Variants in ZRANB3 observed in about 807,000 individuals in gnomAD.
ZRANB3 encodes DNA annealing helicase and endonuclease ZRANB3.
In ZRANB3, 125 loss-of-function variants were observed where a neutral mutation model predicts 133.8. The observed-to-expected ratio is 0.93, with a 90% CI of 0.81 to 1.08. The LOEUF is 1.08. ZRANB3 is among the 50% of genes least tolerant of loss of function. The pLI, the probability that ZRANB3 is intolerant of heterozygous loss-of-function variation, is 0.00. For synonymous variants in ZRANB3, 387 were observed against 432.7 expected (o/e 0.89, Z 1.31); for missense variants, 1,229 against 1,275.5 (o/e 0.96, Z 0.56).
rs374758345 is a variant in ZRANB3, at chr2:135,318,002, C to T, written c.678-2472G>A. Among the ~76,000 whole-genome samples, 14 of 152,004 alleles carry T rather than the reference C, an allele frequency of 9.2e-5. No individual in the cohort carries two copies. In the South Asian group the frequency reaches 1.0e-3, roughly 11 times the overall value. On this transcript the variant is annotated intron_variant, in intron 6 of 20. Transcript: ENST00000264159. ...GGATTAGGGAGGACTAGAAGAGGTG[C>T]CACCTGTAAACCTTTAGTCTCTTTA... is the stretch of plus-strand genomic sequence containing the variant.
intron 12 of ZRANB3, among the ~76,000 whole-genome samples, chr2:135,245,435 TG>T (rs1695746826): frequency 6.6e-6 from 1 of 152,240 alleles, no homozygotes; most frequent in Non-Finnish European, 1.5e-5. Context: ...GAGGGTCTCC[TG>T]GTTTACTGAA....
chr2:135,327,290 G>A (rs959199447), intron 6 of ZRANB3, among the ~76,000 whole-genome samples: 2 of 152,126 alleles, frequency 1.3e-5, no homozygotes, highest in Non-Finnish European at 2.9e-5. Flanking sequence ...GGTTTAGATT[G>A]GAGCATAACA....
At chr2:135,499,905 C>T (rs531859801) in intron 2 of ZRANB3, among the ~76,000 whole-genome samples, 4 of 152,214 alleles carry the variant, frequency 2.6e-5, no homozygotes, top group South Asian at 4.1e-4. Flanking sequence ...GACATAATTA[C>T]TTAAGATGAA....
rs560970785 is a variant in ZRANB3, at chr2:135,527,374, C to G, written c.-8+3753G>C. On this transcript the variant is annotated intron_variant, in intron 1 of 20. Coordinates refer to ENST00000264159, the MANE Select transcript of ZRANB3 (RefSeq NM_032143.4). ...AGGAGTTCGAGACCAGCCTGGGCAA[C>G]ATGGTGAAACCCCATCTCTATTAAA... Among the ~76,000 whole-genome samples the G allele has an allele frequency of 6.6e-5, 10 of 152,122 alleles. No homozygotes were observed. In the South Asian group the frequency reaches 1.9e-3, roughly 28 times the overall value.
intron 12 of ZRANB3, among the ~76,000 whole-genome samples, chr2:135,255,133 T>A (rs533256161): frequency 1.3e-5 from 2 of 152,276 alleles, no homozygotes; most frequent in East Asian, 3.9e-4. Context: ...GCCATTGTTT[T>A]AGTCTCAGCT....
chr2:135,495,335 C>T (rs1574201781), intron 2 of ZRANB3, among the ~76,000 whole-genome samples: 1 of 152,066 alleles, frequency 6.6e-6, no homozygotes, highest in South Asian at 2.1e-4. Context: ...AAAACACATA[C>T]TATATTATAG....
chr2:135,359,826 C>T (rs1292088566), intron 3 of ZRANB3, among the ~76,000 whole-genome samples: 1 of 152,032 alleles, frequency 6.6e-6, no homozygotes, highest in Non-Finnish European at 1.5e-5. Flanking sequence ...AAAAGTGATT[C>T]TCAGAAATTA....
At chr2:135,485,130 GAAACA>G (rs1253850492) in intron 2 of ZRANB3, among the ~76,000 whole-genome samples, 1 of 151,080 alleles carries the variant, frequency 6.6e-6, no homozygotes, top group Non-Finnish European at 1.5e-5. Flanking sequence ...ACATCTCAGA[GAAACA>G]AAACAAAACA....
At chr2:135,332,486 T>G (rs1444752836) in intron 6 of ZRANB3, among the ~76,000 whole-genome samples, 1 of 152,166 alleles carries the variant, frequency 6.6e-6, no homozygotes, top group Non-Finnish European at 1.5e-5. Flanking sequence ...ATCAATAACA[T>G]TAGACATTTT....
intron 12 of ZRANB3, among the ~76,000 whole-genome samples, chr2:135,252,303 T>G (rs1302213840): frequency 6.6e-6 from 1 of 152,144 alleles, no homozygotes; most frequent in African/African-American, 2.4e-5. Flanking sequence ...GACACATGTT[T>G]ACCTATGTGT....
intron 2 of ZRANB3, among the ~76,000 whole-genome samples, chr2:135,393,981 T>G (rs902346938): frequency 6.6e-6 from 1 of 151,846 alleles, no homozygotes; most frequent in Non-Finnish European, 1.5e-5. Flanking sequence ...CCTCAGCCTC[T>G]CGAGTAGCTG....
chr2:135,303,765 C>A (rs1361741378), intron 8 of ZRANB3, among the ~76,000 whole-genome samples: 1 of 152,144 alleles, frequency 6.6e-6, no homozygotes, highest in African/African-American at 2.4e-5. Flanking sequence ...AATATTGACT[C>A]TTCTGATTCA....
chr2:135,216,743 A>T (rs570086327), intron 17 of ZRANB3, among the ~76,000 whole-genome samples: 2 of 152,200 alleles, frequency 1.3e-5, no homozygotes, highest in African/African-American at 4.8e-5. Context: ...CGCAGCCTGC[A>T]ATCTCTTTCA....
At chr2:135,438,197 T>C (rs753206558) in intron 2 of ZRANB3, among the ~76,000 whole-genome samples, 1 of 152,190 alleles carries the variant, frequency 6.6e-6, no homozygotes, top group Non-Finnish European at 1.5e-5. Flanking sequence ...ATACTGTTGG[T>C]TCTGTTTCTC....
chr2:135,378,746 C>A (rs1217913316), intron 3 of ZRANB3, among the ~76,000 whole-genome samples: 3 of 151,978 alleles, frequency 2.0e-5, no homozygotes, highest in Admixed American at 2.0e-4. Flanking sequence ...TGGTCTTCCC[C>A]CAAAAAACAT....
intron 2 of ZRANB3, among the ~76,000 whole-genome samples, chr2:135,398,980 T>G (rs1006118051): frequency 6.6e-6 from 1 of 152,226 alleles, no homozygotes; most frequent in African/African-American, 2.4e-5. Flanking sequence ...CTTGTCATAG[T>G]TGCTTTGGTT....
At chr2:135,497,024 A>T (rs1647658100) in intron 2 of ZRANB3, among the ~76,000 whole-genome samples, 1 of 152,238 alleles carries the variant, frequency 6.6e-6, no homozygotes. Flanking sequence ...AAGCTTGAAT[A>T]TGGCTAAATA....
chr2:135,486,614 G>C (rs1408260639), intron 2 of ZRANB3, among the ~76,000 whole-genome samples: 2 of 151,884 alleles, frequency 1.3e-5, no homozygotes, highest in African/African-American at 4.8e-5. Flanking sequence ...CCCAGGTTCA[G>C]GCAATTCTCC....
At position 135,407,031 on chromosome 2, in the gene ZRANB3, T is replaced by A. The variant is rs540546041; in HGVS notation, c.162-16211A>T. Among the ~76,000 whole-genome samples the A allele has an allele frequency of 9.7e-3, 1,479 of 152,298 alleles. 16 individuals are homozygous for A. Among genetic ancestry groups the A allele is most frequent in the Non-Finnish European group, 0.013 (874 of 68,028 alleles). ...CAATTAGGAAAAGAGGAAGTCAAAT[T>A]GTCCCTGTTTGCAGATGACATGATT... On this transcript the variant is annotated intron_variant, in intron 2 of 20. Coordinates refer to ENST00000264159, the MANE Select transcript of ZRANB3 (RefSeq NM_032143.4).
Sources: allele counts gnomAD v4.1 joint callset (sites outside exome capture counted in the v4.1 genomes callset), GRCh38; gene constraint gnomAD v4.1.1; transcripts MANE v1.5; gene names NCBI Gene and HGNC (gene_info 2026-07-23, HGNC 2026-07-21).